CPVL: variants seen among roughly 807,000 people sequenced by gnomAD.
CPVL encodes carboxypeptidase vitellogenic like, also known as probable serine carboxypeptidase CPVL.
Under a neutral mutation model 63.7 loss-of-function variants are expected in CPVL, and 51 were observed. The observed-to-expected ratio is 0.80, with a 90% confidence interval of 0.64 to 1.01. The LOEUF is 1.01. Ranked by LOEUF, CPVL falls within the 50% of genes least tolerant of loss-of-function variation. The pLI, the probability that CPVL is intolerant of heterozygous loss-of-function variation, is 0.00. For synonymous variants in CPVL, 195 were observed against 206.0 expected (o/e 0.95, Z 0.46); for missense variants, 530 against 573.1 (o/e 0.92, Z 0.77).
At chr7:29,125,582 G>A (rs1345703722) in intron 1 of CPVL, among the ~76,000 whole-genome samples, 3 of 151,726 alleles carry the variant, frequency 2.0e-5, no homozygotes, top group Non-Finnish European at 4.4e-5. Context: ...TAGTAGAGGC[G>A]GGGTTTCACC....
chr7:29,179,171 G>A (rs544372516), intron 5 of CPVL, among the ~76,000 whole-genome samples: 3 of 152,300 alleles, frequency 2.0e-5, no homozygotes, highest in Admixed American at 6.5e-5. Context: ...TTGGGCATAA[G>A]GCTTATTTGT....
At chr7:29,133,063 T>G (rs191306333) in intron 1 of CPVL, among the ~76,000 whole-genome samples, 2 of 152,150 alleles carry the variant, frequency 1.3e-5, no homozygotes, top group Admixed American at 1.3e-4. Context: ...ATTCCCTCAT[T>G]AGGTATTTGA....
In CPVL at chr7:29,068,983, G is replaced by A. The variant is rs189797777; in HGVS notation, c.864+2790C>T. Among the ~76,000 whole-genome samples the A allele has an allele frequency of 5.7e-3, 862 of 151,466 alleles. 4 individuals carry two copies. The highest frequency in any genetic ancestry group is 9.0e-3 in the Non-Finnish European group (613 of 67,854). ...CAGGCGTGAGCCACTGCGCCCGGCC[G>A]AGGTGTCTTTTTCTAATTTGTTCAC... On this transcript the variant is annotated intron_variant, in intron 9 of 12. Transcript: ENST00000265394.
At chr7:29,155,876 A>G (rs1291283577) in intron 5 of CPVL, among the ~76,000 whole-genome samples, 1 of 152,172 alleles carries the variant, frequency 6.6e-6, no homozygotes, top group Non-Finnish European at 1.5e-5. Flanking sequence ...TTCAGACCAC[A>G]TCGGAGCGTC....
At position 29,072,418 on chromosome 7, in the gene CPVL, A is replaced by G. The variant is rs368157930; in HGVS notation, c.615T>C (p.Tyr205=). The change falls in exon 8 of 13, where the codon TAT becomes TAC. Residue 205 remains tyrosine, a synonymous_variant. Coordinates refer to ENST00000265394, the MANE Select transcript of CPVL (RefSeq NM_031311.5). The part of the protein sequence containing the change: ...NNDFYVTGES[Y]AGKYVPAIAH... ...CAATGGCTGGCACATATTTCCCTGC[A>G]TAAGACTGAGAAGGACAGATGTTGA... is the stretch of plus-strand genomic sequence containing the variant. 3.3e-5 allele frequency: 53 copies of G among 1,613,806 alleles called. No individual in the cohort carries two copies. The Middle Eastern group carries it at 9.9e-4, about 30-fold the overall frequency.
intron 12 of CPVL, among the ~76,000 whole-genome samples, chr7:29,008,465 C>T (rs574948806): frequency 6.4e-4 from 97 of 152,234 alleles, no homozygotes; most frequent in Non-Finnish European, 1.0e-3. Context: ...AACGTTTAAA[C>T]GACAACAATT....
At chr7:29,017,298 T>C (rs1414704340) in intron 12 of CPVL, among the ~76,000 whole-genome samples, 2 of 152,228 alleles carry the variant, frequency 1.3e-5, no homozygotes, top group Non-Finnish European at 2.9e-5. Flanking sequence ...TTCTTGACAT[T>C]ATATGAACCT....
intron 7 of CPVL, 95 bp from the exon 8 acceptor site, chr7:29,072,518 C>G: frequency 1.4e-6 from 2 of 1,383,134 alleles, no homozygotes; most frequent in East Asian, 2.3e-5. Flanking sequence ...AAGGAGCAAT[C>G]TTTCCACATG....
chr7:29,115,366 C>T (rs1332390425), intron 2 of CPVL, among the ~76,000 whole-genome samples: 2 of 152,100 alleles, frequency 1.3e-5, no homozygotes, highest in Non-Finnish European at 2.9e-5. Context: ...GTCTATCCCT[C>T]CTCCATCAGA....
At chr7:29,017,467 C>T (rs1786530983) in intron 12 of CPVL, among the ~76,000 whole-genome samples, 1 of 152,162 alleles carries the variant, frequency 6.6e-6, no homozygotes, top group Non-Finnish European at 1.5e-5. Flanking sequence ...AACCCCATCT[C>T]CACTAAAAAT....
chr7:29,069,463 A>G (rs2128572557), intron 9 of CPVL, among the ~76,000 whole-genome samples: 1 of 152,064 alleles, frequency 6.6e-6, no homozygotes, highest in Non-Finnish European at 1.5e-5. Flanking sequence ...AAAAAAAAGA[A>G]AAAGTCAGTT....
intron 11 of CPVL, among the ~76,000 whole-genome samples, chr7:29,062,659 G>A (rs1782743283): frequency 6.6e-6 from 1 of 152,128 alleles, no homozygotes; most frequent in South Asian, 2.1e-4. Flanking sequence ...TGCCTGGATA[G>A]TATTGCAGAT....
chr7:29,129,525 A>G (rs77033864), intron 1 of CPVL, among the ~76,000 whole-genome samples: 195 of 149,012 alleles, frequency 1.3e-3, no homozygotes, highest in African/African-American at 4.4e-3. Context: ...GGTGGAGTGC[A>G]GTGGCACGAT....
chr7:29,047,773 T>C (rs903741346), intron 11 of CPVL, among the ~76,000 whole-genome samples: 1 of 152,058 alleles, frequency 6.6e-6, no homozygotes, highest in Non-Finnish European at 1.5e-5. Context: ...AAAGAAAGAA[T>C]CTTAAGAGCT....
chr7:29,069,258 G>A (rs545591870), intron 9 of CPVL, among the ~76,000 whole-genome samples: 22 of 151,570 alleles, frequency 1.5e-4, no homozygotes, highest in East Asian at 1.2e-3. Context: ...CAGCCAACAC[G>A]GTGAAAACCC....
intron 10 of CPVL, among the ~76,000 whole-genome samples, chr7:29,064,472 T>C (rs113574915): frequency 6.6e-6 from 1 of 152,092 alleles, no homozygotes; most frequent in Non-Finnish European, 1.5e-5. Flanking sequence ...AATTTGCAAA[T>C]ACAGGATTTT....
At chr7:29,052,534 G>C (rs1790289808) in intron 11 of CPVL, among the ~76,000 whole-genome samples, 1 of 151,292 alleles carries the variant, frequency 6.6e-6, no homozygotes, top group South Asian at 2.1e-4. Context: ...ACTTTGATGG[G>C]CAACATCAAG....
chr7:29,114,262 G>A lies in CPVL; in HGVS notation c.170-1440C>T, dbSNP rs574407982. 2.4e-4 allele frequency among the ~76,000 whole-genome samples: 37 copies of A among 152,230 alleles called. 1 individual carries two copies. The highest frequency in any genetic ancestry group is 7.9e-4 in the African/African-American group (33 of 41,542). On this transcript the variant is annotated intron_variant, in intron 2 of 12. Transcript: ENST00000265394. ...CCTATTTTACAAGGCCAGAATACCA[G>A]GGCTTTACATGATGTGGGAAGTATA...
chr7:29,022,993 C>T (rs546436503), intron 12 of CPVL, among the ~76,000 whole-genome samples: 21 of 152,254 alleles, frequency 1.4e-4, no homozygotes, highest in Admixed American at 1.4e-3. Flanking sequence ...CGAGCAGTCA[C>T]CTGTATATGT....
Sources: allele counts gnomAD v4.1 joint callset (sites outside exome capture counted in the v4.1 genomes callset), GRCh38; gene constraint gnomAD v4.1.1; transcripts MANE v1.5; gene names NCBI Gene and HGNC (gene_info 2026-07-23, HGNC 2026-07-21).